Variants in CCDC175 observed in about 807,000 individuals in gnomAD.
CCDC175 encodes the protein coiled-coil domain containing 175, also known as coiled-coil domain-containing protein 175.
In CCDC175, 100 loss-of-function variants were observed where a neutral mutation model predicts 114.6. The observed-to-expected ratio is 0.87, with a 90% CI of 0.74 to 1.03. The LOEUF is 1.03. Ranked by LOEUF, CCDC175 falls within the 50% of genes least tolerant of loss-of-function variation. The pLI, the probability that CCDC175 is intolerant of heterozygous loss-of-function variation, is 0.00. For missense variants in CCDC175, 880 were observed against 917.8 expected (o/e 0.96, Z 0.53); for synonymous variants, 306 against 308.7 (o/e 0.99, Z 0.09).
chr14:59,557,308 C>T (rs1435931722), intron 7 of CCDC175, among the ~76,000 whole-genome samples: 1 of 151,974 alleles, frequency 6.6e-6, no homozygotes, highest in Non-Finnish European at 1.5e-5. Context: ...GAGTTCATGT[C>T]CTTTGTAGGG....
chr14:59,506,010 G>C (rs531450171), intron 19 of CCDC175, among the ~76,000 whole-genome samples: 5 of 152,126 alleles, frequency 3.3e-5, no homozygotes, highest in African/African-American at 9.7e-5. Flanking sequence ...TTCTTTGAGC[G>C]TCATATTGGT....
chr14:59,544,686 T>G (rs1046760989), intron 9 of CCDC175, among the ~76,000 whole-genome samples: 5 of 152,182 alleles, frequency 3.3e-5, no homozygotes, highest in African/African-American at 1.2e-4. Flanking sequence ...AAATTAAAAT[T>G]TAAAGTGCTT....
chr14:59,563,489 A>G (rs964109951), intron 6 of CCDC175, among the ~76,000 whole-genome samples: 5 of 152,186 alleles, frequency 3.3e-5, no homozygotes, highest in African/African-American at 1.2e-4. Context: ...TTTTAAATCA[A>G]TATTTTAACA....
chr14:59,562,087 C>G (rs1400883127), intron 6 of CCDC175, among the ~76,000 whole-genome samples: 1 of 152,222 alleles, frequency 6.6e-6, no homozygotes, highest in Non-Finnish European at 1.5e-5. Flanking sequence ...AGTTCCAGAG[C>G]TAACTGGAAT....
chr14:59,532,971 T>C (rs149567434), intron 13 of CCDC175, among the ~76,000 whole-genome samples: 1 of 152,360 alleles, frequency 6.6e-6, no homozygotes, highest in East Asian at 1.9e-4. Context: ...ATCCAAGTTG[T>C]ATGCACACAT....
intron 7 of CCDC175, among the ~76,000 whole-genome samples, chr14:59,554,549 A>C (rs545409540): frequency 1.5e-3 from 221 of 152,356 alleles, no homozygotes; most frequent in Middle Eastern, 3.4e-3. Context: ...TATCACAATT[A>C]AAAGAACTAG....
chr14:59,508,891 T>A (rs1892598392), intron 19 of CCDC175, among the ~76,000 whole-genome samples: 1 of 152,140 alleles, frequency 6.6e-6, no homozygotes, highest in Non-Finnish European at 1.5e-5. Flanking sequence ...TTCGTGTTAT[T>A]TATAAGCTAC....
At chr14:59,508,203 C>T (rs967869838) in intron 19 of CCDC175, among the ~76,000 whole-genome samples, 3 of 151,950 alleles carry the variant, frequency 2.0e-5, no homozygotes, top group Non-Finnish European at 2.9e-5. Flanking sequence ...AGGCAAGGTG[C>T]CCCCTGACCC....
intron 8 of CCDC175, among the ~76,000 whole-genome samples, chr14:59,549,719 C>CAAAAAAAAAAAAAAAAAAAAAAAAA (rs370269871): frequency 1.1e-5 from 1 of 89,590 alleles, no homozygotes; most frequent in African/African-American, 4.3e-5. Context: ...GACTATGTCT[C>CAAAAAAAAAAAAAAAAAAAAAAAAA]AAAAAAAAAA....
At chr14:59,530,199 T>C (rs1893984538) in intron 14 of CCDC175, among the ~76,000 whole-genome samples, 2 of 151,700 alleles carry the variant, frequency 1.3e-5, no homozygotes, top group Non-Finnish European at 2.9e-5. Flanking sequence ...AAACCCCATC[T>C]CTACTAAAAA....
At chr14:59,510,356 A>T in intron 19 of CCDC175, 1 of 277,760 alleles carries the variant, frequency 3.6e-6, no homozygotes, top group Non-Finnish European at 6.9e-6. Flanking sequence ...AAAAATGTGT[A>T]AAAGAGTTTA....
chr14:59,574,246 A>G (rs909998325), intron 2 of CCDC175, among the ~76,000 whole-genome samples: 9 of 152,206 alleles, frequency 5.9e-5, no homozygotes, highest in Non-Finnish European at 8.8e-5. Flanking sequence ...ATATTTCAAC[A>G]TTTTTAGCAA....
intron 14 of CCDC175, among the ~76,000 whole-genome samples, chr14:59,529,601 C>A (rs2140001316): frequency 6.6e-6 from 1 of 152,130 alleles, no homozygotes; most frequent in South Asian, 2.1e-4. Flanking sequence ...TCTCTTTCTG[C>A]CTCTATCCAA....
At chr14:59,572,575 GTT>G (rs895243159) in intron 3 of CCDC175, 125 bp downstream of exon 3, 35 of 514,120 alleles carry the variant, frequency 6.8e-5, no homozygotes, top group African/African-American at 6.8e-4. Context: ...ACCTTACTGT[GTT>G]TGTGTCATGT....
chr14:59,568,448 C>A, intron 3 of CCDC175, 68 bp from the exon 4 acceptor site: 9 of 1,200,924 alleles, frequency 7.5e-6, no homozygotes, highest in Non-Finnish European at 9.9e-6. Context: ...CTGACTTTCA[C>A]GCAAAAAAGC....
intron 3 of CCDC175, among the ~76,000 whole-genome samples, chr14:59,571,148 TAAAAA>T (rs35713404): frequency 4.7e-5 from 6 of 128,382 alleles, no homozygotes; most frequent in Non-Finnish European, 8.2e-5. Flanking sequence ...GAAATTTACC[TAAAAA>T]AAAAAAAAAA....
At chr14:59,555,238 C>T (rs1478294798) in intron 7 of CCDC175, among the ~76,000 whole-genome samples, 5 of 152,232 alleles carry the variant, frequency 3.3e-5, no homozygotes, top group Admixed American at 1.3e-4. Context: ...AAACCGAATC[C>T]AGCAGCACAT....
intron 3 of CCDC175, among the ~76,000 whole-genome samples, chr14:59,571,600 C>A (rs763592420): frequency 3.3e-5 from 5 of 152,020 alleles, no homozygotes; most frequent in African/African-American, 1.2e-4. Context: ...CCAGATAAAA[C>A]AAAAACAAAA....
chr14:59,513,637 T>G (rs1488428006), intron 17 of CCDC175, among the ~76,000 whole-genome samples: 1 of 152,146 alleles, frequency 6.6e-6, no homozygotes, highest in East Asian at 1.9e-4. Flanking sequence ...CTGCCATTGC[T>G]GAGGCTTGAC....
Sources: gnomAD v4.1 joint callset for allele counts (sites outside exome capture counted in the v4.1 genomes callset) on GRCh38, gnomAD v4.1.1 for gene constraint, MANE v1.5 for transcripts, NCBI Gene and HGNC (gene_info 2026-07-23, HGNC 2026-07-21) for gene names.